Variants in AK5 observed in about 807,000 individuals in gnomAD.
AK5 encodes adenylate kinase isoenzyme 5.
Under a neutral mutation model 69.5 loss-of-function variants are expected in AK5, and 27 were observed. That is an observed-to-expected ratio of 0.39 (90% CI 0.29 to 0.54). AK5 has a LOEUF of 0.54. AK5 is among the 20% of genes least tolerant of loss of function. The probability of loss-of-function intolerance (pLI) is 0.71; values close to 1 mark genes in which losing one functional copy is unlikely to be tolerated. For synonymous variants in AK5, 260 were observed against 244.4 expected (o/e 1.06, Z -0.60); for missense variants, 531 against 700.4 (o/e 0.76, Z 2.73).
At chr1:77,522,983 T>TG (rs2100323150) in intron 12 of AK5, among the ~76,000 whole-genome samples, 1 of 152,270 alleles carries the variant, frequency 6.6e-6, no homozygotes, top group Non-Finnish European at 1.5e-5. Flanking sequence ...GACTTCCCCA[T>TG]GGCCACACAG....
chr1:77,362,117 C>T (rs1369991553), intron 6 of AK5, among the ~76,000 whole-genome samples: 25 of 152,060 alleles, frequency 1.6e-4, no homozygotes, highest in Non-Finnish European at 1.0e-4. Context: ...GGACCAGGTT[C>T]TTAGGAAATA....
At chr1:77,531,271 G>A (rs548497932) in intron 12 of AK5, among the ~76,000 whole-genome samples, 142 of 152,306 alleles carry the variant, frequency 9.3e-4, no homozygotes, top group Non-Finnish European at 1.6e-3. Flanking sequence ...AAGATTTACC[G>A]CAAAGAGCAA....
intron 6 of AK5, among the ~76,000 whole-genome samples, chr1:77,403,526 C>T (rs1457185468): frequency 1.3e-4 from 20 of 151,916 alleles, no homozygotes; most frequent in African/African-American, 4.3e-4. Context: ...GCTAGCCAGT[C>T]TTCCCAGCAC....
At chr1:77,510,517 A>G (rs1433322376) in intron 10 of AK5, among the ~76,000 whole-genome samples, 1 of 152,148 alleles carries the variant, frequency 6.6e-6, no homozygotes, top group Non-Finnish European at 1.5e-5. Context: ...TCCGCTGCTA[A>G]AAAAAAGAAA....
At chr1:77,557,705 C>T (rs1239579097) in intron 13 of AK5, among the ~76,000 whole-genome samples, 1 of 152,156 alleles carries the variant, frequency 6.6e-6, no homozygotes, top group Admixed American at 6.5e-5. Flanking sequence ...GCAGAACACT[C>T]AGAAGTCTCA....
intron 3 of AK5, 121 bp from the exon 4 acceptor site, chr1:77,297,438 G>T (rs1659075481): frequency 1.2e-6 from 1 of 823,478 alleles, no homozygotes. Flanking sequence ...GCCACAAATG[G>T]AACTGTTAAC....
intron 6 of AK5, among the ~76,000 whole-genome samples, chr1:77,341,964 T>A (rs1331902382): frequency 1.3e-5 from 2 of 152,142 alleles, no homozygotes; most frequent in South Asian, 2.1e-4. Context: ...AATGGCGTGA[T>A]CTCAGCTTAC....
intron 8 of AK5, among the ~76,000 whole-genome samples, chr1:77,479,553 T>G (rs1655137568): frequency 6.6e-6 from 1 of 152,150 alleles, no homozygotes; most frequent in Non-Finnish European, 1.5e-5. Flanking sequence ...TTCTCCCACC[T>G]TAACAGTATT....
At chr1:77,303,863 A>T (rs1342366590) in intron 5 of AK5, among the ~76,000 whole-genome samples, 1 of 152,126 alleles carries the variant, frequency 6.6e-6, no homozygotes, top group Non-Finnish European at 1.5e-5. Context: ...AACTTTTTTT[A>T]TTTTAACTTT....
chr1:77,470,852 TA>T (rs1557615640), intron 8 of AK5, among the ~76,000 whole-genome samples: 2,401 of 32,430 alleles, frequency 0.074, 552 homozygotes, highest in Middle Eastern at 0.13. Context: ...TATATATATA[TA>T]TATATATATA....
chr1:77,506,369 G>A (rs774609181), intron 10 of AK5, among the ~76,000 whole-genome samples: 5 of 152,034 alleles, frequency 3.3e-5, no homozygotes, highest in African/African-American at 7.2e-5. Flanking sequence ...TGGAAATCTT[G>A]TCTGTGTCTC....
At chr1:77,554,402 C>A (rs772331667) in intron 13 of AK5, among the ~76,000 whole-genome samples, 27 of 152,168 alleles carry the variant, frequency 1.8e-4, no homozygotes, top group Non-Finnish European at 3.8e-4. Context: ...CATAGAACAT[C>A]CAGGCTGGAA....
intron 6 of AK5, among the ~76,000 whole-genome samples, chr1:77,365,469 T>A (rs1350784976): frequency 1.3e-5 from 2 of 152,226 alleles, no homozygotes; most frequent in South Asian, 2.1e-4. Context: ...AACTCTGGTG[T>A]TCTGTAGGTC....
intron 5 of AK5, among the ~76,000 whole-genome samples, chr1:77,328,255 C>T (rs1222647561): frequency 1.3e-5 from 2 of 152,138 alleles, no homozygotes; most frequent in African/African-American, 2.4e-5. Context: ...AATTGCAGCA[C>T]TTTGGGATGC....
intron 12 of AK5, among the ~76,000 whole-genome samples, chr1:77,529,739 A>C (rs1474260089): frequency 1.3e-5 from 2 of 152,206 alleles, no homozygotes; most frequent in Admixed American, 1.3e-4. Flanking sequence ...ACATATTAAC[A>C]GAAGTCATAT....
chr1:77,381,216 C>G (rs1266849167), intron 6 of AK5, among the ~76,000 whole-genome samples: 1 of 152,106 alleles, frequency 6.6e-6, no homozygotes, highest in Non-Finnish European at 1.5e-5. Flanking sequence ...CCAGATGGCT[C>G]ACTTTACCCT....
In AK5 at chr1:77,330,731, A is replaced by G. The variant is rs190234510; in HGVS notation, c.700-9646A>G. Among the ~76,000 whole-genome samples the G allele has an allele frequency of 2.0e-5, 3 of 152,224 alleles. No individual in the cohort carries two copies. The East Asian group carries it at 5.8e-4, about 29-fold the overall frequency. On this transcript the variant is annotated intron_variant, in intron 5 of 13. Transcript: ENST00000354567. ...CAAATAAATTTGAATCAGCTTTCCAATTTCTGTATCCCTCCCCAGAAAACC... is the reference window on the plus strand; with the variant it reads ...CAAATAAATTTGAATCAGCTTTCCAGTTTCTGTATCCCTCCCCAGAAAACC...
At chr1:77,314,828 G>T (rs181569943) in intron 5 of AK5, 1 of 152,234 alleles carries the variant, frequency 6.6e-6, no homozygotes, top group African/African-American at 2.4e-5. Flanking sequence ...ACACCTGTAA[G>T]GTCCATAGTA....
chr1:77,402,647 A>C (rs944736454), intron 6 of AK5, among the ~76,000 whole-genome samples: 1 of 152,022 alleles, frequency 6.6e-6, no homozygotes, highest in African/African-American at 2.4e-5. Flanking sequence ...ATGGCTGCAT[A>C]GTATTCCATG....
Sources: gnomAD v4.1 joint callset for allele counts (sites outside exome capture counted in the v4.1 genomes callset) on GRCh38, gnomAD v4.1.1 for gene constraint, MANE v1.5 for transcripts, NCBI Gene and HGNC (gene_info 2026-07-23, HGNC 2026-07-21) for gene names.